The following FN3K variants were observed in gnomAD, a reference collection of about 807,000 sequenced individuals.
FN3K encodes the protein fructosamine-3-kinase.
FN3K carries 24 observed loss-of-function variants against 24.8 expected under a neutral mutation model. That is an observed-to-expected ratio of 0.97 (90% CI 0.70 to 1.36). The LOEUF (loss-of-function observed/expected upper bound fraction) is 1.36. Ranked by LOEUF, FN3K falls within the 40% of genes most tolerant of loss-of-function variation. The pLI, the probability that FN3K is intolerant of heterozygous loss-of-function variation, is 0.00. For synonymous variants in FN3K, 192 were observed against 175.2 expected (o/e 1.10, Z -0.76); for missense variants, 449 against 416.7 (o/e 1.08, Z -0.67).
Position 82,750,868 on chromosome 17 carries a change from G to T in FN3K, c.*113G>T. On this transcript the variant is annotated 3_prime_UTR_variant, in exon 6 of 6. Transcript: ENST00000300784. The stretch of plus-strand genomic sequence containing the variant: ...CCTGTCCCCCTGTTCCCGTCTCCCC[G>T]TCCCTCCGTCTCCATCCCCCCGTCC... 1.6e-6 allele frequency: 1 copy of T among 638,500 alleles called. No homozygotes were observed. Among genetic ancestry groups the T allele is most frequent in the Admixed American group, 3.0e-5 (1 of 33,146 alleles). The allele number at this position is 638,500 out of a possible 1,614,324, so 39.6% of individuals were successfully genotyped here.
rs1196304376 is a variant in FN3K at position 82,743,269 on chromosome 17, G to A, written c.468+1876G>A. 1.5e-4 allele frequency among the ~76,000 whole-genome samples: 23 copies of A among 152,206 alleles called. 1 individual carries two copies. Among genetic ancestry groups the A allele is most frequent in the Admixed American group, 1.5e-3 (23 of 15,274 alleles). On this transcript the variant is annotated intron_variant, in intron 4 of 5. Coordinates refer to ENST00000300784, the MANE Select transcript of FN3K (RefSeq NM_022158.4). ...GAAATGAAGTGAAATCTTACCCAGA[G>A]CCCCTGTGTGTGAAGCAGACGAGAA...
chr17:82,740,358 G>T (rs1249822414), intron 2 of FN3K, among the ~76,000 whole-genome samples: 2 of 150,676 alleles, frequency 1.3e-5, no homozygotes, highest in African/African-American at 4.9e-5. Context: ...GCTGGGCGTG[G>T]TGGTTCACAC....
Position 82,750,873 on chromosome 17 carries a change from T to G in FN3K, c.*118T>G. On this transcript the variant is annotated 3_prime_UTR_variant, in exon 6 of 6. Coordinates refer to ENST00000300784, the MANE Select transcript of FN3K (RefSeq NM_022158.4). ...CCCCCTGTTCCCGTCTCCCCGTCCC[T>G]CCGTCTCCATCCCCCCGTCCCCCCA... is the stretch of plus-strand genomic sequence containing the variant. 3.7e-6 allele frequency: 2 copies of G among 536,958 alleles called. No individual in the cohort carries two copies. The highest frequency in any genetic ancestry group is 1.9e-5 in the South Asian group (1 of 51,736). The allele number at this position is 536,958 out of a possible 1,614,324, so 33.3% of individuals were successfully genotyped here.
chr17:82,741,173 T>C (rs1478871495), intron 3 of FN3K, 138 bp from the exon 4 acceptor site: 1 of 776,560 alleles, frequency 1.3e-6, no homozygotes, highest in Non-Finnish European at 2.2e-6. Flanking sequence ...TATTGACTAA[T>C]TGCTACTGTA....
At position 82,748,884 on chromosome 17, in the gene FN3K, C is replaced by A. The variant is rs1474811155; in HGVS notation, c.498C>A (p.Thr166=). Residue 166 remains threonine, a synonymous_variant, in exon 5 of 6, where the codon ACC becomes ACA. Coordinates refer to ENST00000300784, the MANE Select transcript of FN3K (RefSeq NM_022158.4). ...QVNEWQDDWP[T]FFARHRLQAQ... ...ATGAGTGGCAGGATGACTGGCCGAC[C>A]TTTTTCGCCCGGCACCGGCTCCAGG... The A allele has an allele frequency of 5.6e-6, 9 of 1,613,388 alleles. No homozygotes were observed. The highest frequency in any genetic ancestry group is 2.2e-5 in the South Asian group (2 of 91,050).
chr17:82,742,705 C>T, intron 4 of FN3K: 1 of 456,244 alleles, frequency 2.2e-6, no homozygotes, highest in Non-Finnish European at 4.4e-6. Context: ...AGCCCAACTG[C>T]CCTGTGCTTC....
In FN3K at chr17:82,750,528, C is replaced by T. The variant is rs981591498; in HGVS notation, c.703C>T (p.Pro235Ser). The T allele has an allele frequency of 6.2e-6, 10 of 1,614,186 alleles. No homozygotes were observed. In the Admixed American group the frequency reaches 1.5e-4, roughly 24 times the overall value. Residue 235 changes from proline to serine, a missense_variant, in exon 6 of 6, where the codon CCG becomes TCG. By Grantham distance (74) the Pro-to-Ser change is moderately conservative (BLOSUM62 -1). Coordinates refer to ENST00000300784, the MANE Select transcript of FN3K (RefSeq NM_022158.4). Reference sequence around the variant, plus strand: ...CGACGTGGGGCCCATTATTTACGACCCGGCTTCCTTCTATGGCCATTCCGA... The same window carrying T: ...CGACGTGGGGCCCATTATTTACGACTCGGCTTCCTTCTATGGCCATTCCGA... ...EDDVGPIIYDPASFYGHSEFE... is the reference protein window; with the variant it reads ...EDDVGPIIYDSASFYGHSEFE...
chr17:82,743,489 A>G (rs932621743), intron 4 of FN3K, among the ~76,000 whole-genome samples: 9 of 152,196 alleles, frequency 5.9e-5, no homozygotes, highest in African/African-American at 1.2e-4. Context: ...GGAGGGCTCA[A>G]TGGGTCCTGG....
intron 3 of FN3K, 57 bp downstream of exon 3, chr17:82,740,911 G>T: frequency 1.7e-6 from 2 of 1,159,042 alleles, no homozygotes; most frequent in South Asian, 2.5e-5. Context: ...TACCCTAGAT[G>T]GGTGCTCATG....
chr17:82,746,309 A>G (rs2046968401), intron 4 of FN3K, among the ~76,000 whole-genome samples: 1 of 152,070 alleles, frequency 6.6e-6, no homozygotes, highest in African/African-American at 2.4e-5. Context: ...TGGAGCATCT[A>G]TTCGTGTGCC....
rs796993770 is a variant in FN3K, at chr17:82,737,076, CG to C, written c.141+1301del. Among the ~76,000 whole-genome samples the C allele has an allele frequency of 8.0e-4, 122 of 152,222 alleles. 1 individual carries two copies. In the Middle Eastern group the frequency reaches 0.01, roughly 13 times the overall value. On this transcript the variant is annotated intron_variant, in intron 1 of 5. Transcript: ENST00000300784. ...GCCCTGGAGCAGGGCTGGGGTGTGC[CG>C]GCCGCCCTCCCACCTGTGGACACTC...
At position 82,741,371 on chromosome 17, in the gene FN3K, C is replaced by G; in HGVS notation, c.446C>G (p.Thr149Arg). 6.2e-7 allele frequency: 1 copy of G among 1,613,710 alleles called. No individual in the cohort carries two copies. The highest frequency in any genetic ancestry group is 8.5e-7 in the Non-Finnish European group (1 of 1,179,808). Residue 149 changes from threonine (T) to arginine (R), a missense_variant, in exon 4 of 6, where the codon ACG becomes AGG. Physicochemically the swap from Thr to Arg is moderately conservative, Grantham distance 71. Transcript: ENST00000300784. ...GACAAGTTCGGCTTCCACACGGTGA[C>G]GTGCTGCGGCTTCATCCCGCAGGTG... ...YVDKFGFHTV[T>R]CCGFIPQVNE...
intron 2 of FN3K, among the ~76,000 whole-genome samples, chr17:82,738,948 T>G (rs1482208231): frequency 3.7e-5 from 3 of 80,786 alleles, no homozygotes; most frequent in East Asian, 5.7e-4. Context: ...ATATATATAT[T>G]TTTTTTTTTT....
At chr17:82,748,137 GCTTT>G (rs1176445458) in intron 4 of FN3K, among the ~76,000 whole-genome samples, 3 of 148,718 alleles carry the variant, frequency 2.0e-5, no homozygotes, top group Non-Finnish European at 3.0e-5. Flanking sequence ...AGCCACTCTA[GCTTT>G]CTTTTTTTTT....
Position 82,738,599 on chromosome 17 carries a change from C to G in FN3K, c.252C>G (p.Ala84=), listed in dbSNP as rs761857165. The G allele has an allele frequency of 6.2e-7, 1 of 1,613,896 alleles. No individual in the cohort carries two copies. The highest frequency in any genetic ancestry group is 1.7e-5 in the Admixed American group (1 of 59,988). ...MKVIDLPGGG[A]AFVMEHLKMK... is the part of the protein sequence containing the mutation. ...TCATCGACCTGCCGGGAGGTGGGGC[C>G]GCCTTTGTGATGGAGCATTTGAAGA... The change falls in exon 2 of 6, where the codon GCC becomes GCG. Residue 84 remains alanine (A), a synonymous_variant. Coordinates refer to ENST00000300784, the MANE Select transcript of FN3K (RefSeq NM_022158.4).
rs2046896102 is a variant in FN3K at position 82,735,709 on chromosome 17, A to G, written c.73A>G (p.Ile25Val). Residue 25 changes from isoleucine to valine, a missense_variant, in exon 1 of 6, where the codon ATC (isoleucine) becomes GTC (valine). Transcript: ENST00000300784. ...RAFGGPGAGC[I>V]SEGRAYDTDA... Reference sequence around the variant, plus strand: ...CTTCGGCGGCCCCGGCGCCGGCTGCATCAGCGAGGGCCGAGCCTACGACAC... The same window carrying G: ...CTTCGGCGGCCCCGGCGCCGGCTGCGTCAGCGAGGGCCGAGCCTACGACAC... The G allele has an allele frequency of 1.3e-6, 2 of 1,550,534 alleles. No individual in the cohort carries two copies. Among genetic ancestry groups the G allele is most frequent in the Non-Finnish European group, 1.7e-6 (2 of 1,149,842 alleles).
At chr17:82,737,200 G>A (rs550761420) in intron 1 of FN3K, among the ~76,000 whole-genome samples, 89 of 152,314 alleles carry the variant, frequency 5.8e-4, no homozygotes, top group Admixed American at 1.7e-3. Context: ...CGTTCTGTTC[G>A]TGTGCACCAG....
chr17:82,742,075 T>C (rs1171900100), intron 4 of FN3K, among the ~76,000 whole-genome samples: 1 of 152,062 alleles, frequency 6.6e-6, no homozygotes, highest in Non-Finnish European at 1.5e-5. Flanking sequence ...ACCCGGCTAA[T>C]TTTTGTATTT....
intron 4 of FN3K, among the ~76,000 whole-genome samples, chr17:82,748,626 T>G (rs2046982118): frequency 1.3e-5 from 2 of 152,196 alleles, no homozygotes; most frequent in Admixed American, 1.3e-4. Flanking sequence ...GTATTTAATG[T>G]GCTTAGTCAT....
Sources: allele counts gnomAD v4.1 joint callset (sites outside exome capture counted in the v4.1 genomes callset), GRCh38; gene constraint gnomAD v4.1.1; transcripts MANE v1.5; gene names NCBI Gene and HGNC (gene_info 2026-07-23, HGNC 2026-07-21).